The following SORCS2 variants were observed in gnomAD, a reference collection of about 807,000 sequenced individuals.
The protein encoded by SORCS2 is sortilin related VPS10 domain containing receptor 2, also known as VPS10 domain-containing receptor SorCS2.
A neutral mutation model predicts 141.6 loss-of-function variants in SORCS2; 100 were observed. That is an observed-to-expected ratio of 0.71 (90% CI 0.60 to 0.83). The LOEUF is 0.83. SORCS2 is among the 40% of genes least tolerant of loss of function. The pLI is 0.00. For synonymous variants in SORCS2, 789 were observed against 676.9 expected (o/e 1.17, Z -2.57); for missense variants, 1,646 against 1,560.2 (o/e 1.05, Z -0.93).
At position 7,552,677 on chromosome 4, in the gene SORCS2, T is replaced by C. The variant is rs569900038; in HGVS notation, c.648+21048T>C. Among the ~76,000 whole-genome samples, 59 of 152,240 alleles carry C rather than the reference T, an allele frequency of 3.9e-4. No individual in the cohort carries two copies. In the East Asian group the frequency reaches 0.01, roughly 26 times the overall value. On this transcript the variant is annotated intron_variant, in intron 3 of 26. Coordinates refer to ENST00000507866, the MANE Select transcript of SORCS2 (RefSeq NM_020777.3). ...CCTCCTGCCATGGCCGTGGCTGCCC[T>C]CAGTGGGGTGGGCATCTCCTCACTC... is the stretch of plus-strand genomic sequence containing the variant.
chr4:7,217,572 CAAATATTT>C, intron 1 of SORCS2, among the ~76,000 whole-genome samples: 1 of 152,274 alleles, frequency 6.6e-6, no homozygotes, highest in South Asian at 2.1e-4. Context: ...CTCAAACCAG[CAAATATTT>C]ACTGAGCATC....
intron 11 of SORCS2, among the ~76,000 whole-genome samples, chr4:7,690,829 T>C (rs1175851631): frequency 6.6e-6 from 1 of 152,194 alleles, no homozygotes; most frequent in Non-Finnish European, 1.5e-5. Context: ...CTAGCACTTT[T>C]TAAAAAACCC....
intron 2 of SORCS2, among the ~76,000 whole-genome samples, chr4:7,517,882 G>C (rs960004106): frequency 2.0e-5 from 3 of 152,238 alleles, no homozygotes; most frequent in African/African-American, 7.2e-5. Context: ...GCACGTGGTA[G>C]GCACTCTGTT....
chr4:7,447,944 T>C (rs1177058919), intron 2 of SORCS2, among the ~76,000 whole-genome samples: 2 of 151,984 alleles, frequency 1.3e-5, no homozygotes, highest in African/African-American at 4.8e-5. Flanking sequence ...CGCAGGCTGA[T>C]GCGCTCCCTT....
chr4:7,368,586 C>G (rs1722053282), intron 1 of SORCS2, among the ~76,000 whole-genome samples: 1 of 152,218 alleles, frequency 6.6e-6, no homozygotes, highest in African/African-American at 2.4e-5. Context: ...CTGGTCACAA[C>G]CCCAGGTGTA....
At chr4:7,544,256 A>G (rs1048276501) in intron 3 of SORCS2, among the ~76,000 whole-genome samples, 1 of 152,208 alleles carries the variant, frequency 6.6e-6, no homozygotes, top group African/African-American at 2.4e-5. Flanking sequence ...TATCTATCCC[A>G]TGGCCATCTA....
intron 23 of SORCS2, among the ~76,000 whole-genome samples, chr4:7,731,082 G>T (rs568213756): frequency 6.6e-6 from 1 of 152,310 alleles, no homozygotes; most frequent in East Asian, 1.9e-4. Context: ...AGGACCGGAG[G>T]CAATCAAACA....
intron 1 of SORCS2, among the ~76,000 whole-genome samples, chr4:7,388,081 C>G (rs951562512): frequency 1.4e-5 from 2 of 147,620 alleles, no homozygotes; most frequent in East Asian, 4.1e-4. Flanking sequence ...GAGATACACA[C>G]ACACATGCAC....
intron 1 of SORCS2, among the ~76,000 whole-genome samples, chr4:7,373,784 A>G (rs111933742): frequency 0.013 from 1,949 of 151,990 alleles, 22 homozygotes; most frequent in African/African-American, 0.023. Context: ...AAGCCACCAC[A>G]CCTGGCCCCT....
intron 2 of SORCS2, among the ~76,000 whole-genome samples, chr4:7,441,385 C>G (rs868021257): frequency 1.3e-5 from 2 of 152,046 alleles, no homozygotes; most frequent in Non-Finnish European, 2.9e-5. Flanking sequence ...CTGGCAGAGC[C>G]GGGCAGTGAG....
At chr4:7,446,230 C>T (rs984581849) in intron 2 of SORCS2, among the ~76,000 whole-genome samples, 6 of 152,064 alleles carry the variant, frequency 3.9e-5, no homozygotes, top group Non-Finnish European at 7.4e-5. Context: ...CAGAGCTGAG[C>T]ATCAGTAAGC....
intron 1 of SORCS2, among the ~76,000 whole-genome samples, chr4:7,204,678 T>C (rs1727641754): frequency 6.6e-6 from 1 of 152,196 alleles, no homozygotes; most frequent in Admixed American, 6.5e-5. Flanking sequence ...ATCCCGTGCC[T>C]AGAAGGGACA....
rs34504146 is a variant in SORCS2, at chr4:7,623,062, C to T, written c.649-15266C>T. 4.0e-3 allele frequency among the ~76,000 whole-genome samples: 608 copies of T among 152,106 alleles called. 3 individuals are homozygous for T. The highest frequency in any genetic ancestry group is 5.6e-3 in the Non-Finnish European group (384 of 67,990). On this transcript the variant is annotated intron_variant, in intron 3 of 26. Transcript: ENST00000507866. ...TGAAGGACAGAAGACGGTGCTACCT[C>T]CCACCCCATCCCTTTCTAGGGACCA... is the stretch of plus-strand genomic sequence containing the variant.
chr4:7,473,347 G>T (rs1334682165), intron 2 of SORCS2, among the ~76,000 whole-genome samples: 1 of 152,176 alleles, frequency 6.6e-6, no homozygotes, highest in Non-Finnish European at 1.5e-5. Flanking sequence ...AGGGGCAATT[G>T]GGTGCCTACA....
chr4:7,610,439 C>T (rs1003492412), intron 3 of SORCS2, among the ~76,000 whole-genome samples: 6 of 152,190 alleles, frequency 3.9e-5, no homozygotes, highest in African/African-American at 1.4e-4. Context: ...TCCACTGTCA[C>T]TCCAGGGGAG....
intron 2 of SORCS2, among the ~76,000 whole-genome samples, chr4:7,437,626 G>T (rs1043242676): frequency 6.6e-6 from 1 of 152,184 alleles, no homozygotes; most frequent in Non-Finnish European, 1.5e-5. Flanking sequence ...GTCAGAGGGG[G>T]TCATTATGAA....
chr4:7,402,229 A>T (rs377461020), intron 2 of SORCS2, among the ~76,000 whole-genome samples: 1 of 152,310 alleles, frequency 6.6e-6, no homozygotes, highest in East Asian at 1.9e-4. Flanking sequence ...GAAATACACT[A>T]TGATAGCTTC....
chr4:7,387,745 C>G (rs1422301197), intron 1 of SORCS2, among the ~76,000 whole-genome samples: 3 of 129,690 alleles, frequency 2.3e-5, no homozygotes, highest in South Asian at 5.1e-4. Context: ...CACACATGCA[C>G]ACACAGATAC....
intron 3 of SORCS2, among the ~76,000 whole-genome samples, chr4:7,574,234 G>A (rs1197985777): frequency 1.3e-5 from 2 of 152,230 alleles, no homozygotes; most frequent in African/African-American, 2.4e-5. Context: ...CCCCACCCTC[G>A]GAGGTGAGGT....
Sources: allele counts gnomAD v4.1 joint callset (sites outside exome capture counted in the v4.1 genomes callset), GRCh38; gene constraint gnomAD v4.1.1; transcripts MANE v1.5; gene names NCBI Gene and HGNC (gene_info 2026-07-23, HGNC 2026-07-21).